LRP1B: variants seen among roughly 807,000 people sequenced by gnomAD.
LRP1B encodes the protein low-density lipoprotein receptor-related protein 1B.
A neutral mutation model predicts 556.6 loss-of-function variants in LRP1B; 217 were observed. The observed-to-expected ratio is 0.39, with a 90% confidence interval of 0.35 to 0.44. The LOEUF (loss-of-function observed/expected upper bound fraction) is 0.44. LRP1B is among the 20% of genes least tolerant of loss of function. LRP1B has a pLI of 1.00. For missense variants in LRP1B, 5,053 were observed against 5,620.8 expected (o/e 0.90, Z 3.23); for synonymous variants, 2,047 against 1,865.8 (o/e 1.10, Z -2.50).
At chr2:141,865,449 G>A (rs1322334927) in intron 1 of LRP1B, among the ~76,000 whole-genome samples, 3 of 150,752 alleles carry the variant, frequency 2.0e-5, no homozygotes, top group South Asian at 2.1e-4. Flanking sequence ...AAAATTAGCC[G>A]GGCGTAGTGG....
rs1680537764 is a variant in LRP1B, at chr2:140,233,076, G to C, written c.*110C>G. 1 of 646,814 alleles carries C rather than the reference G, an allele frequency of 1.5e-6. No individual in the cohort carries two copies. Among genetic ancestry groups the C allele is most frequent in the Non-Finnish European group, 2.3e-6 (1 of 432,212 alleles). The allele number at this position is 646,814 out of a possible 1,614,324, so 40.1% of individuals were successfully genotyped here. A position where few individuals can be genotyped will look rare whatever the true frequency, so the allele number is the denominator to read the frequency against. On this transcript the variant is annotated 3_prime_UTR_variant, in exon 91 of 91. Transcript: ENST00000389484. ...TCAGAAAACAATTAACCAGGAAAAA[G>C]ATAAAGAAAGAGGTAATGCTGATGC... is the stretch of plus-strand genomic sequence containing the variant.
intron 77 of LRP1B, among the ~76,000 whole-genome samples, chr2:140,340,133 G>A (rs916318275): frequency 3.3e-5 from 5 of 149,904 alleles, no homozygotes; most frequent in South Asian, 2.1e-4. Flanking sequence ...GATTCACCTC[G>A]GTCCTCCATA....
Position 140,967,586 on chromosome 2 carries a change from A to G in LRP1B, c.2887+14574T>C, listed in dbSNP as rs566700167. Among the ~76,000 whole-genome samples the G allele has an allele frequency of 6.5e-4, 99 of 151,876 alleles. 1 individual carries two copies. Among genetic ancestry groups the G allele is most frequent in the African/African-American group, 2.3e-3 (95 of 41,430 alleles). On this transcript the variant is annotated intron_variant, in intron 18 of 90. Coordinates refer to ENST00000389484, the MANE Select transcript of LRP1B (RefSeq NM_018557.3). ...AACTTCCAACACTATGTTGAATAGG[A>G]GTGGTGAGAGAGGGCATCCCTGTCT...
intron 83 of LRP1B, among the ~76,000 whole-genome samples, chr2:140,303,574 T>A (rs906486536): frequency 1.3e-4 from 20 of 152,196 alleles, no homozygotes; most frequent in African/African-American, 4.6e-4. Context: ...ACAATTTAAC[T>A]TGATAGCAAA....
intron 3 of LRP1B, among the ~76,000 whole-genome samples, chr2:141,461,830 C>T (rs190717710): frequency 1.3e-5 from 2 of 152,302 alleles, no homozygotes; most frequent in African/African-American, 2.4e-5. Context: ...ATCATCTAAC[C>T]ACAAATGTGG....
chr2:140,342,771 T>A (rs1470619426), intron 77 of LRP1B, among the ~76,000 whole-genome samples: 1 of 151,528 alleles, frequency 6.6e-6, no homozygotes, highest in Non-Finnish European at 1.5e-5. Context: ...AATCTCTACA[T>A]CAAACCATAT....
intron 1 of LRP1B, among the ~76,000 whole-genome samples, chr2:141,823,013 A>G (rs1008782294): frequency 2.6e-5 from 4 of 152,126 alleles, no homozygotes; most frequent in South Asian, 2.1e-4. Flanking sequence ...TGCAGAGTGT[A>G]TTGTTCATTG....
chr2:141,987,166 T>G (rs1256792686), intron 1 of LRP1B, among the ~76,000 whole-genome samples: 1 of 151,922 alleles, frequency 6.6e-6, no homozygotes, highest in Non-Finnish European at 1.5e-5. Context: ...GGTTTGACTG[T>G]ATCTATTATC....
At chr2:140,454,052 C>G (rs1686987601) in intron 62 of LRP1B, among the ~76,000 whole-genome samples, 2 of 152,282 alleles carry the variant, frequency 1.3e-5, no homozygotes, top group Middle Eastern at 3.4e-3. Flanking sequence ...AGAAAAGAAT[C>G]AGAGGTAAAA....
intron 1 of LRP1B, among the ~76,000 whole-genome samples, chr2:142,023,451 T>C (rs1044784418): frequency 7.9e-5 from 12 of 152,294 alleles, no homozygotes; most frequent in South Asian, 6.2e-4. Context: ...ATGTCAAGGC[T>C]GAAGACCCCA....
chr2:141,884,583 G>C (rs1699053108), intron 1 of LRP1B, among the ~76,000 whole-genome samples: 1 of 152,082 alleles, frequency 6.6e-6, no homozygotes, highest in Non-Finnish European at 1.5e-5. Flanking sequence ...CATTATATTA[G>C]AAAGTAGACT....
intron 21 of LRP1B, among the ~76,000 whole-genome samples, chr2:140,912,839 A>G (rs1220068875): frequency 6.6e-6 from 1 of 151,842 alleles, no homozygotes; most frequent in Non-Finnish European, 1.5e-5. Flanking sequence ...AAAACATGCT[A>G]GCTTCCCAAA....
chr2:141,391,371 T>A (rs150539433), intron 3 of LRP1B, among the ~76,000 whole-genome samples: 2 of 152,150 alleles, frequency 1.3e-5, no homozygotes, highest in Non-Finnish European at 2.9e-5. Context: ...TTTAAACTTA[T>A]CTACAGAATG....
rs974556485 is a variant in LRP1B, at chr2:141,095,953, C to A, written c.1014-33680G>T. Among the ~76,000 whole-genome samples the A allele has an allele frequency of 4.6e-5, 7 of 152,008 alleles. No individual in the cohort carries two copies. In the East Asian group the frequency reaches 1.3e-3, roughly 29 times the overall value. On this transcript the variant is annotated intron_variant, in intron 7 of 90. Transcript: ENST00000389484. Reference sequence around the variant, plus strand: ...ATCAAACAATTGTATCTTTTACATTCCCCAAACTATTCTACTATACCGTAT... The same window carrying A: ...ATCAAACAATTGTATCTTTTACATTACCCAAACTATTCTACTATACCGTAT...
At chr2:140,902,603 C>T (rs934804610) in intron 23 of LRP1B, among the ~76,000 whole-genome samples, 1 of 152,016 alleles carries the variant, frequency 6.6e-6, no homozygotes, top group African/African-American at 2.4e-5. Flanking sequence ...GGCAGGACCC[C>T]CTAAAAAAGC....
chr2:142,130,640 C>A lies in LRP1B; in HGVS notation c.82+8G>T. ...CAGGGGAGGGGAGCGGGGAGGTGTT[C>A]TCCTTACCTCGGTCGGCTCCCACGG... On this transcript the variant is annotated splice_region_variant and intron_variant, in intron 1 of 90. Coordinates refer to ENST00000389484, the MANE Select transcript of LRP1B (RefSeq NM_018557.3). The A allele has an allele frequency of 6.2e-7, 1 of 1,605,750 alleles. No homozygotes were observed. The highest frequency in any genetic ancestry group is 8.5e-7 in the Non-Finnish European group (1 of 1,174,792).
intron 1 of LRP1B, among the ~76,000 whole-genome samples, chr2:142,058,377 C>A (rs368779042): frequency 7.9e-5 from 12 of 152,140 alleles, no homozygotes; most frequent in African/African-American, 2.4e-4. Context: ...CCTCCACCTT[C>A]GACCACTCCA....
chr2:141,167,133 C>T (rs1680302551), intron 7 of LRP1B: 1 of 151,812 alleles, frequency 6.6e-6, no homozygotes, highest in Non-Finnish European at 1.5e-5. Context: ...TTATATAATA[C>T]AAAAAGCTCC....
At chr2:140,326,097 T>G (rs1680461816) in intron 79 of LRP1B, among the ~76,000 whole-genome samples, 1 of 152,114 alleles carries the variant, frequency 6.6e-6, no homozygotes. Flanking sequence ...CTTAACAAAT[T>G]CTAGCAAAAG....
Sources: gnomAD v4.1 joint callset for allele counts (sites outside exome capture counted in the v4.1 genomes callset) on GRCh38, gnomAD v4.1.1 for gene constraint, MANE v1.5 for transcripts, NCBI Gene and HGNC (gene_info 2026-07-23, HGNC 2026-07-21) for gene names.